The following CSMD3 variants were observed in gnomAD, a reference collection of about 807,000 sequenced individuals.
The protein encoded by CSMD3 is CUB and sushi domain-containing protein 3.
Under a neutral mutation model 435.2 loss-of-function variants are expected in CSMD3, and 177 were observed. The ratio of observed to expected loss-of-function variants is 0.41; its 90% confidence interval spans 0.36 to 0.46. The LOEUF (loss-of-function observed/expected upper bound fraction) is 0.46. Ranked by LOEUF, CSMD3 falls within the 20% of genes least tolerant of loss-of-function variation. CSMD3 has a pLI of 0.34. For synonymous variants in CSMD3, 1,656 were observed against 1,520.5 expected, an observed-to-expected ratio of 1.09 and a Z score of -2.07; for missense variants, 4,265 against 4,504.6, an observed-to-expected ratio of 0.95 and a Z score of 1.52.
chr8:112,556,701 T>G, intron 25 of CSMD3, 62 bp downstream of exon 25: 1 of 1,368,530 alleles, frequency 7.3e-7, no homozygotes, highest in Non-Finnish European at 1.0e-6. Flanking sequence ...TTCTTAAAAA[T>G]GCAAAGAATT....
chr8:112,313,957 A>G lies in CSMD3; in HGVS notation c.7645T>C (p.Trp2549Arg). 2.5e-6 allele frequency: 4 copies of G among 1,612,260 alleles called. No individual in the cohort carries two copies. The highest frequency in any genetic ancestry group is 3.4e-6 in the Non-Finnish European group (4 of 1,178,592). The change falls in exon 49 of 71, where the codon TGG (tryptophan) becomes CGG (arginine). Residue 2549 changes from tryptophan to arginine, a missense_variant. This residue lies in a region of CSMD3 where 3,255 missense variants were observed against 3,380.2 expected (regional missense o/e 0.96). Transcript: ENST00000297405. Reference protein sequence around the residue: ...TSNGHEVFLQWSADHGNNKKG... With the variant: ...TSNGHEVFLQRSADHGNNKKG... ...TTGTTATTGCCATGATCTGCTGACC[A>G]CTGAAGAAATACTTCATGACCATTG...
At chr8:112,566,468 C>G (rs866979678) in intron 24 of CSMD3, among the ~76,000 whole-genome samples, 11 of 152,072 alleles carry the variant, frequency 7.2e-5, no homozygotes, top group Non-Finnish European at 1.3e-4. Context: ...CCGTACTATA[C>G]TCCACCTTGC....
chr8:113,305,670 A>T (rs919174121), intron 2 of CSMD3, among the ~76,000 whole-genome samples: 2 of 152,226 alleles, frequency 1.3e-5, no homozygotes, highest in Non-Finnish European at 2.9e-5. Context: ...ATACTCTGGA[A>T]TCCTTGCCTT....
intron 3 of CSMD3, among the ~76,000 whole-genome samples, chr8:113,278,133 G>A (rs1180339399): frequency 1.3e-5 from 2 of 151,820 alleles, no homozygotes; most frequent in East Asian, 1.9e-4. Context: ...CCTCTTCCTG[G>A]TTTAAGGGAT....
intron 13 of CSMD3, among the ~76,000 whole-genome samples, chr8:112,724,275 G>A (rs1213497231): frequency 1.3e-5 from 2 of 151,974 alleles, no homozygotes; most frequent in Non-Finnish European, 2.9e-5. Context: ...GAAGAAGAGT[G>A]AGAATGAAAG....
chr8:113,207,226 T>G (rs952251326), intron 3 of CSMD3, among the ~76,000 whole-genome samples: 1 of 152,184 alleles, frequency 6.6e-6, no homozygotes, highest in Non-Finnish European at 1.5e-5. Context: ...AACATGGTGG[T>G]GGCTACCTTG....
At chr8:112,465,140 C>T (rs1817830050) in intron 32 of CSMD3, among the ~76,000 whole-genome samples, 1 of 152,036 alleles carries the variant, frequency 6.6e-6, no homozygotes. Context: ...GGGTGATTAT[C>T]CCCACTGTGT....
chr8:112,389,780 T>C (rs1156468046), intron 36 of CSMD3, among the ~76,000 whole-genome samples: 1 of 152,222 alleles, frequency 6.6e-6, no homozygotes, highest in Admixed American at 6.5e-5. Flanking sequence ...GGCTAGATAA[T>C]ATTTATGAAG....
At position 113,377,190 on chromosome 8, in the gene CSMD3, A is replaced by G. The variant is rs1052710686; in HGVS notation, c.178+59487T>C. 2.0e-5 allele frequency: 24 copies of G among 1,174,706 alleles called. 1 individual carries two copies. In the African/African-American group the frequency reaches 2.1e-4, roughly 10 times the overall value. The allele number at this position is 1,174,706 out of a possible 1,614,324, so 72.8% of individuals were successfully genotyped here. ...CCCTGCAAACCCTACATCCGCTCCAATGGCCGGAAGTTCGAGCGCGCGAGA... is the reference window on the plus strand; with the variant it reads ...CCCTGCAAACCCTACATCCGCTCCAGTGGCCGGAAGTTCGAGCGCGCGAGA... On this transcript the variant is annotated intron_variant, in intron 1 of 70. Transcript: ENST00000297405.
chr8:112,413,327 A>G (rs559273659), intron 32 of CSMD3, among the ~76,000 whole-genome samples: 1 of 152,298 alleles, frequency 6.6e-6, no homozygotes, highest in South Asian at 2.1e-4. Flanking sequence ...GTAGGGTTCC[A>G]TTGACTGAGA....
intron 4 of CSMD3, among the ~76,000 whole-genome samples, chr8:113,167,288 T>C (rs574095830): frequency 6.6e-6 from 1 of 152,308 alleles, no homozygotes; most frequent in Non-Finnish European, 1.5e-5. Context: ...AATTAGATAG[T>C]TTTGAGCACC....
At chr8:113,160,898 G>A (rs553717278) in intron 4 of CSMD3, among the ~76,000 whole-genome samples, 1 of 152,106 alleles carries the variant, frequency 6.6e-6, no homozygotes, top group Non-Finnish European at 1.5e-5. Context: ...GGAATCATAT[G>A]TGCTATATTC....
At chr8:113,023,433 G>A (rs146991168) in intron 5 of CSMD3, among the ~76,000 whole-genome samples, 171 of 151,742 alleles carry the variant, frequency 1.1e-3, no homozygotes, top group African/African-American at 4.0e-3. Context: ...ATGCTCCCGT[G>A]CTTTCTCACT....
chr8:112,414,880 G>T (rs1811740794), intron 32 of CSMD3, among the ~76,000 whole-genome samples: 1 of 152,156 alleles, frequency 6.6e-6, no homozygotes, highest in Non-Finnish European at 1.5e-5. Flanking sequence ...CTGTGCTAGA[G>T]ATGTGTGGAA....
chr8:112,757,579 TG>T (rs1242868056), intron 13 of CSMD3, among the ~76,000 whole-genome samples: 1 of 152,122 alleles, frequency 6.6e-6, no homozygotes, highest in Non-Finnish European at 1.5e-5. Context: ...TCTCTTAATT[TG>T]GGGGAAAATA....
chr8:113,360,316 C>T (rs2094264027), intron 1 of CSMD3, among the ~76,000 whole-genome samples: 1 of 151,922 alleles, frequency 6.6e-6, no homozygotes, highest in South Asian at 2.1e-4. Context: ...GTTCCCTAGC[C>T]TCTATAACAC....
intron 27 of CSMD3, among the ~76,000 whole-genome samples, chr8:112,538,439 T>C (rs1826342860): frequency 6.6e-6 from 1 of 152,106 alleles, no homozygotes; most frequent in South Asian, 2.1e-4. Context: ...TGATCTTATA[T>C]TTAGAGAAAC....
chr8:112,480,855 G>C (rs1819565856), intron 31 of CSMD3, among the ~76,000 whole-genome samples: 1 of 152,108 alleles, frequency 6.6e-6, no homozygotes, highest in Non-Finnish European at 1.5e-5. Context: ...TATCTTATCA[G>C]TCTAAGGAAT....
chr8:112,760,864 T>G (rs2132146472), intron 13 of CSMD3, among the ~76,000 whole-genome samples: 1 of 152,286 alleles, frequency 6.6e-6, no homozygotes, highest in African/African-American at 2.4e-5. Context: ...TGCTTTGAGT[T>G]AAAAGTCTTT....
Sources: allele counts gnomAD v4.1 joint callset (sites outside exome capture counted in the v4.1 genomes callset), GRCh38; gene constraint gnomAD v4.1.1; regional missense constraint gnomAD v4.1.1; transcripts MANE v1.5; gene names NCBI Gene and HGNC (gene_info 2026-07-23, HGNC 2026-07-21).